ZBTB1: variants seen among roughly 807,000 people sequenced by gnomAD.
ZBTB1 encodes zinc finger and BTB domain-containing protein 1.
In ZBTB1, 13 loss-of-function variants were observed where a neutral mutation model predicts 51.6. The observed-to-expected ratio is 0.25, with a 90% CI of 0.16 to 0.40. The LOEUF (loss-of-function observed/expected upper bound fraction) is 0.40, where lower values mean the gene tolerates loss of function less well. Among genes scored for constraint, ZBTB1 ranks in the 10% least tolerant of loss-of-function variants. The probability of loss-of-function intolerance (pLI) is 1.00; values close to 1 mark genes in which losing one functional copy is unlikely to be tolerated. For missense variants in ZBTB1, 567 were observed against 856.5 expected, an observed-to-expected ratio of 0.66 and a Z score of 4.22; for synonymous variants, 240 against 282.2, an observed-to-expected ratio of 0.85 and a Z score of 1.50.
downstream of ZBTB1, among the ~76,000 whole-genome samples, chr14:64,526,019 C>T (rs777561318): frequency 1.3e-4 from 20 of 151,974 alleles, no homozygotes; most frequent in Non-Finnish European, 2.2e-4. Context: ...AGGGTTTCAC[C>T]GTCTTGGCCA....
Position 64,521,896 on chromosome 14 carries a change from C to T in ZBTB1, c.392C>T (p.Ser131Phe). Residue 131 changes from serine (S) to phenylalanine (F), a missense_variant, in exon 2 of 2, where the codon TCC becomes TTC. By Grantham distance (155) the Ser-to-Phe change is radical. Around this residue, in one of 5 missense-constraint regions of ZBTB1, gnomAD observed 74 missense variants for 74.9 expected, o/e 0.99. Coordinates refer to ENST00000683701, the MANE Select transcript of ZBTB1 (RefSeq NM_001123329.2). Reference protein sequence around the residue: ...CSSSKCSSSASSKQNSKMIFG... With the variant: ...CSSSKCSSSAFSKQNSKMIFG... Reference sequence around the variant, plus strand: ...AGTTCAAAATGTTCCTCTTCTGCTTCCAGCAAACAGAACAGCAAAATGATA... The same window carrying T: ...AGTTCAAAATGTTCCTCTTCTGCTTTCAGCAAACAGAACAGCAAAATGATA... 6.2e-7 allele frequency: 1 copy of T among 1,613,952 alleles called. No individual in the cohort carries two copies. Among genetic ancestry groups the T allele is most frequent in the Non-Finnish European group, 8.5e-7 (1 of 1,180,026 alleles).
downstream of ZBTB1, chr14:64,524,970 AC>A (rs139511109): frequency 0.22 from 212,638 of 975,984 alleles, 23,896 homozygotes; most frequent in Non-Finnish European, 0.23. Context: ...AATGTGAATT[AC>A]TTGCAATGTA....
intron 1 of ZBTB1, among the ~76,000 whole-genome samples, chr14:64,517,782 T>TATATATATATATA (rs1491377695): frequency 5.7e-5 from 2 of 34,810 alleles, no homozygotes; most frequent in African/African-American, 1.0e-4. Context: ...TATATATATA[T>TATATATATATATA]TTTTTTTTTT....
intron 1 of ZBTB1, among the ~76,000 whole-genome samples, chr14:64,518,129 G>A (rs1276551911): frequency 1.3e-5 from 2 of 151,992 alleles, no homozygotes; most frequent in African/African-American, 4.8e-5. Flanking sequence ...GAGCCACTGC[G>A]CCTGGCCCAG....
At chr14:64,512,104 T>G (rs1018396525) in intron 1 of ZBTB1, among the ~76,000 whole-genome samples, 2 of 152,246 alleles carry the variant, frequency 1.3e-5, no homozygotes, top group Non-Finnish European at 2.9e-5. Flanking sequence ...ACATTAATTT[T>G]TTTTAAATTG....
chr14:64,511,079 A>G (rs2079719727), intron 1 of ZBTB1, among the ~76,000 whole-genome samples: 1 of 152,232 alleles, frequency 6.6e-6, no homozygotes, highest in African/African-American at 2.4e-5. Flanking sequence ...CTGAGACAAA[A>G]TACAGGGAGG....
intron 1 of ZBTB1, among the ~76,000 whole-genome samples, chr14:64,517,756 A>T (rs1415507570): frequency 8.2e-5 from 5 of 60,704 alleles, no homozygotes; most frequent in Non-Finnish European, 1.5e-4. Context: ...GCCATTTAGA[A>T]ATATATATAT....
rs754534919 is a variant in ZBTB1 at position 64,522,670 on chromosome 14, A to G, written c.1166A>G (p.Lys389Arg). The change falls in exon 2 of 2, where the codon AAA becomes AGA. Residue 389 changes from lysine (K) to arginine (R), a missense_variant. Physicochemically the swap from Lys to Arg is conservative, Grantham distance 26 (BLOSUM62 2). Transcript: ENST00000683701. Reference protein sequence around the residue: ...SIKKSGRKTLKPRMSVSADER... With the variant: ...SIKKSGRKTLRPRMSVSADER... ...AAAAAAAGTGGTAGGAAAACTCTAA[A>G]ACCTCGAATGTCAGTAAGTGCTGAT... 2 of 1,614,172 alleles carry G rather than the reference A, an allele frequency of 1.2e-6. No individual in the cohort carries two copies. The highest frequency in any genetic ancestry group is 2.2e-5 in the South Asian group (2 of 91,074).
chr14:64,521,588 T>C lies in ZBTB1; in HGVS notation c.84T>C (p.Ile28=). 1 of 1,614,250 alleles carries C rather than the reference T, an allele frequency of 6.2e-7. No homozygotes were observed. The highest frequency in any genetic ancestry group is 8.5e-7 in the Non-Finnish European group (1 of 1,180,042). Residue 28 remains isoleucine, a synonymous_variant, in exon 2 of 2, where the codon ATT becomes ATC. Transcript: ENST00000683701. The part of the protein sequence containing the change: ...REWGFLCDCC[I]AIDDIYFQAH... ...GGGGTTTTCTCTGTGACTGCTGTAT[T>C]GCAATTGATGACATTTACTTTCAAG...
At chr14:64,509,307 G>A (rs139120978) in intron 1 of ZBTB1, among the ~76,000 whole-genome samples, 26 of 152,254 alleles carry the variant, frequency 1.7e-4, no homozygotes, top group African/African-American at 6.3e-4. Flanking sequence ...AAGGGCGGAG[G>A]TTGCAGTGAG....
Position 64,519,149 on chromosome 14 carries a change from CTTT to C in ZBTB1, c.-18-2324_-18-2322del, listed in dbSNP as rs546867054. On this transcript the variant is annotated intron_variant, in intron 1 of 1. Coordinates refer to ENST00000683701, the MANE Select transcript of ZBTB1 (RefSeq NM_001123329.2). ...GCCTCTATGTTTGAATTTTTTGCTA[CTTT>C]TTTTTTTTTTTTTGAGATGGAGTCT... 2.3e-5 allele frequency among the ~76,000 whole-genome samples: 3 copies of C among 133,168 alleles called. No individual in the cohort carries two copies. The Admixed American group carries it at 2.3e-4, about 10-fold the overall frequency. 87.4% of individuals were successfully genotyped at this position (133,168 alleles called of 152,430 possible). A position where few individuals can be genotyped will look rare whatever the true frequency, so the allele number is the denominator to read the frequency against.
chr14:64,533,473 G>C (rs2079958573), exon 3 of ZBTB1: 2 of 152,454 alleles, frequency 1.3e-5, no homozygotes, highest in South Asian at 4.1e-4. Flanking sequence ...GGTGGAATTA[G>C]ATTTACTAAA....
At position 64,524,934 on chromosome 14, in the gene ZBTB1, CA is replaced by C. The variant is rs2079892961; in HGVS notation, c.*1289del. 3.0e-6 allele frequency: 3 copies of C among 985,192 alleles called. No individual in the cohort carries two copies. Among genetic ancestry groups the C allele is most frequent in the Non-Finnish European group, 3.6e-6 (3 of 829,830 alleles). The allele number at this position is 985,192 out of a possible 1,614,324, so 61.0% of individuals were successfully genotyped here. On this transcript the variant is annotated 3_prime_UTR_variant, in exon 2 of 2. Transcript: ENST00000683701. ...TTGGCAAAACTGACCCACCAATAAA[CA>C]CATCTATTGAATAGAATGCCTTTTA...
chr14:64,522,743 A>G lies in ZBTB1; in HGVS notation c.1239A>G (p.Pro413=). 6.2e-7 allele frequency: 1 copy of G among 1,614,226 alleles called. No homozygotes were observed. The highest frequency in any genetic ancestry group is 8.5e-7 in the Non-Finnish European group (1 of 1,180,022). The change falls in exon 2 of 2, where the codon CCA becomes CCG. Residue 413 remains proline, a synonymous_variant. Coordinates refer to ENST00000683701, the MANE Select transcript of ZBTB1 (RefSeq NM_001123329.2). ...TGAGGCCCCCTAACAACAGCAGTCC[A>G]GTACAAGAGGATGCTGAAAATGCAT... is the stretch of plus-strand genomic sequence containing the variant. ...ENMRPPNNSS[P]VQEDAENASC...
chr14:64,505,051 G>C (rs1436978431), intron 1 of ZBTB1, 105 bp downstream of exon 1: 1 of 374,796 alleles, frequency 2.7e-6, no homozygotes, highest in African/African-American at 2.1e-5. Context: ...GCGCCGATCC[G>C]TGCGGGGAGC....
intron 1 of ZBTB1, among the ~76,000 whole-genome samples, chr14:64,508,376 G>A (rs1332250155): frequency 3.3e-5 from 5 of 152,182 alleles, no homozygotes; most frequent in South Asian, 2.1e-4. Flanking sequence ...GGACAGTGGG[G>A]AGTTAGCAGA....
At chr14:64,512,266 TCAAA>T (rs904425282) in intron 1 of ZBTB1, among the ~76,000 whole-genome samples, 4 of 152,234 alleles carry the variant, frequency 2.6e-5, no homozygotes, top group Non-Finnish European at 5.9e-5. Flanking sequence ...GAGTTTGTAT[TCAAA>T]CAAACAGTAT....
chr14:64,511,816 T>A (rs2079727447), intron 1 of ZBTB1, among the ~76,000 whole-genome samples: 1 of 152,200 alleles, frequency 6.6e-6, no homozygotes, highest in Admixed American at 6.5e-5. Context: ...TGCAAACCCT[T>A]GCAAATTTGA....
rs546397414 is a variant in ZBTB1 at position 64,504,960 on chromosome 14, A to C, written c.-19+14A>C. The C allele has an allele frequency of 2.5e-5, 10 of 394,958 alleles. No individual in the cohort carries two copies. The highest frequency in any genetic ancestry group is 1.9e-4 in the African/African-American group (9 of 48,484). The allele number at this position is 394,958 out of a possible 1,614,324, so 24.5% of individuals were successfully genotyped here. The stretch of plus-strand genomic sequence containing the variant: ...CTGTTGCGGCCGGTAAGTATTTGCC[A>C]GTTGTGGGGCTATTTGCGCAACTTT... On this transcript the variant is annotated intron_variant, in intron 1 of 1. Coordinates refer to ENST00000683701, the MANE Select transcript of ZBTB1 (RefSeq NM_001123329.2).
Sources: gnomAD v4.1 joint callset for allele counts (sites outside exome capture counted in the v4.1 genomes callset) on GRCh38, gnomAD v4.1.1 for gene constraint, gnomAD v4.1.1 regional missense constraint, MANE v1.5 for transcripts, NCBI Gene and HGNC (gene_info 2026-07-23, HGNC 2026-07-21) for gene names.